The following ATAD5 variants were observed in gnomAD, a reference collection of about 807,000 sequenced individuals.
The protein encoded by ATAD5 is ATPase family AAA domain containing 5.
ATAD5 carries 58 observed loss-of-function variants against 176.9 expected under a neutral mutation model. The ratio of observed to expected loss-of-function variants is 0.33; its 90% CI spans 0.27 to 0.41. The LOEUF (loss-of-function observed/expected upper bound fraction) is 0.41, where lower values mean the gene tolerates loss of function less well. Among genes scored for constraint, ATAD5 ranks in the 10% least tolerant of loss-of-function variants. The pLI is 1.00. For synonymous variants in ATAD5, 640 were observed against 712.6 expected, an observed-to-expected ratio of 0.90 and a Z score of 1.62; for missense variants, 1,789 against 2,094.1, an observed-to-expected ratio of 0.85 and a Z score of 2.84.
In ATAD5 at chr17:30,847,327, T is replaced by TATATAG. The variant is rs918823567; in HGVS notation, c.2450+2412_2450+2413insTATAGA. On this transcript the variant is annotated intron_variant, in intron 6 of 22. Coordinates refer to ENST00000321990, the MANE Select transcript of ATAD5 (RefSeq NM_024857.5). ...ATATGAATATGCCGCTATATATATATAGAGAGAGAGAGAGAGAGAGAGAGA... is the reference window on the plus strand; with the variant it reads ...ATATGAATATGCCGCTATATATATATATATAGAGAGAGAGAGAGAGAGAGAGAGAGA... Among the ~76,000 whole-genome samples, 129 of 150,564 alleles carry TATATAG rather than the reference T, an allele frequency of 8.6e-4. 2 individuals are homozygous for TATATAG. Among genetic ancestry groups the TATATAG allele is most frequent in the Middle Eastern group, 3.4e-3 (1 of 292 alleles).
At chr17:30,867,736 C>T (rs1433847143) in intron 11 of ATAD5, among the ~76,000 whole-genome samples, 1 of 152,092 alleles carries the variant, frequency 6.6e-6, no homozygotes, top group African/African-American at 2.4e-5. Context: ...CTGAGCCTCC[C>T]AAGTCGCTGG....
At chr17:30,867,244 A>T (rs776640124) in intron 11 of ATAD5, among the ~76,000 whole-genome samples, 172 of 151,926 alleles carry the variant, frequency 1.1e-3, no homozygotes, top group Non-Finnish European at 1.9e-3. Flanking sequence ...TACAAAAAAT[A>T]AAAAAAATAG....
chr17:30,882,136 A>G (rs757916425), intron 18 of ATAD5, among the ~76,000 whole-genome samples: 10 of 151,040 alleles, frequency 6.6e-5, no homozygotes, highest in Non-Finnish European at 1.2e-4. Flanking sequence ...CATGCCTGTA[A>G]TCCCAGCTAC....
chr17:30,857,047 G>C lies in ATAD5; in HGVS notation c.2728G>C (p.Gly910Arg). The change falls in exon 8 of 23, where the codon GGT becomes CGT. Residue 910 changes from glycine to arginine, a missense_variant. Around this residue, in one of 6 missense-constraint regions of ATAD5, gnomAD observed 487 missense variants for 573.6 expected, o/e 0.85. Transcript: ENST00000321990. ...TAAAGTAATAGATCTCTCAAAATGT[G>C]GTATTGCTCTTGGTGAATTTTCAAC... is the stretch of plus-strand genomic sequence containing the variant. ...NTKVIDLSKCGIALGEFSTLN... is the reference protein window; with the variant it reads ...NTKVIDLSKCRIALGEFSTLN... The C allele has an allele frequency of 6.2e-7, 1 of 1,610,540 alleles. No individual in the cohort carries two copies.
At chr17:30,848,279 T>C (rs1210858400) in intron 6 of ATAD5, among the ~76,000 whole-genome samples, 1 of 152,090 alleles carries the variant, frequency 6.6e-6, no homozygotes, top group African/African-American at 2.4e-5. Flanking sequence ...AGTCTCACTC[T>C]GTCATCCCCA....
intron 10 of ATAD5, 38 bp downstream of exon 10, chr17:30,860,650 TTTGA>T: frequency 6.8e-7 from 1 of 1,473,910 alleles, no homozygotes; most frequent in Non-Finnish European, 9.0e-7. Context: ...AATAGATTGC[TTTGA>T]GGACATGCAA....
In ATAD5 at chr17:30,856,668, C is replaced by T. The variant is rs1329204900; in HGVS notation, c.2636-287C>T. Among the ~76,000 whole-genome samples the T allele has an allele frequency of 2.6e-5, 4 of 152,174 alleles. 1 individual carries two copies. The highest frequency in any genetic ancestry group is 3.8e-4 in the East Asian group (2 of 5,200). On this transcript the variant is annotated intron_variant, in intron 7 of 22. Coordinates refer to ENST00000321990, the MANE Select transcript of ATAD5 (RefSeq NM_024857.5). ...CTGGAATTACAGGCGTGAGCCACCA[C>T]GCCTGGCCCTCCTAAAAGTTTTAAC...
At chr17:30,836,810 T>C (rs1357319512) in intron 2 of ATAD5, among the ~76,000 whole-genome samples, 1 of 151,848 alleles carries the variant, frequency 6.6e-6, no homozygotes, top group East Asian at 1.9e-4. Flanking sequence ...TCAAGTGATC[T>C]GCCTGCCTCG....
chr17:30,878,718 GTTTTTTTTTTTTTTTTTT>G (rs71142005), intron 17 of ATAD5, among the ~76,000 whole-genome samples: 2 of 56,838 alleles, frequency 3.5e-5, no homozygotes, highest in African/African-American at 6.6e-5. Flanking sequence ...GTTAGGTGGT[GTTTTTTTTTTTTTTTTTT>G]TTTTTTTTTT....
In ATAD5 at chr17:30,893,742, C is replaced by T; in HGVS notation, c.4889C>T (p.Pro1630Leu). The T allele has an allele frequency of 1.2e-6, 2 of 1,614,032 alleles. No individual in the cohort carries two copies. The highest frequency in any genetic ancestry group is 2.2e-5 in the East Asian group (1 of 44,868). ...ACAAAGAAATCTATTCCTTGTCCTC[C>T]TAAAACAACTGCAGGAAAAAAATGT... ...PETKKSIPCP[P>L]KTTAGKKCSA... is the part of the protein sequence containing the mutation. The change falls in exon 21 of 23, where the codon CCT (proline) becomes CTT (leucine). Residue 1630 changes from proline (P) to leucine (L), a missense_variant. This residue lies in a region of ATAD5 where 403 missense variants were observed against 495.1 expected (regional missense o/e 0.81). Transcript: ENST00000321990.
intron 19 of ATAD5, 49 bp from the exon 20 acceptor site, chr17:30,892,558 C>G (rs201386933): frequency 7.7e-7 from 1 of 1,295,920 alleles, no homozygotes; most frequent in East Asian, 2.6e-5. Context: ...TTGTTTGATA[C>G]AATTTGTTTA....
At chr17:30,854,340 AT>A (rs1350732670) in intron 6 of ATAD5, among the ~76,000 whole-genome samples, 1 of 144,126 alleles carries the variant, frequency 6.9e-6, no homozygotes, top group African/African-American at 2.5e-5. Flanking sequence ...TATTGAATTT[AT>A]TTAATACATT....
intron 14 of ATAD5, 36 bp downstream of exon 14, chr17:30,869,682 G>GA (rs1243990064): frequency 3.2e-6 from 5 of 1,543,384 alleles, no homozygotes; most frequent in African/African-American, 1.4e-5. Context: ...ATAATGTTTT[G>GA]AAAAAAATAA....
At chr17:30,892,481 A>C in intron 19 of ATAD5, 126 bp from the exon 20 acceptor site, 1 of 497,796 alleles carries the variant, frequency 2.0e-6, no homozygotes, top group Non-Finnish European at 3.3e-6. Flanking sequence ...TGAATTAAAC[A>C]CATATGTAGA....
chr17:30,859,507 C>T (rs1907486757), intron 9 of ATAD5, among the ~76,000 whole-genome samples: 1 of 152,038 alleles, frequency 6.6e-6, no homozygotes, highest in Non-Finnish European at 1.5e-5. Context: ...TTGCAGGCAC[C>T]TGCCACCATG....
chr17:30,877,484 G>A lies in ATAD5; in HGVS notation c.3853G>A (p.Val1285Ile). 6.2e-7 allele frequency: 1 copy of A among 1,606,754 alleles called. No individual in the cohort carries two copies. Among genetic ancestry groups the A allele is most frequent in the Middle Eastern group, 1.7e-4 (1 of 6,046 alleles). Residue 1285 changes from valine to isoleucine, a missense_variant, in exon 16 of 23, where the codon GTC becomes ATC. Physicochemically the swap from Val to Ile is conservative, Grantham distance 29. Transcript: ENST00000321990. ...ATCTACAAATGCAACTAATTCAAATGTCAAAGACGTTGGAGCTGAAGAACC... is the reference window on the plus strand; with the variant it reads ...ATCTACAAATGCAACTAATTCAAATATCAAAGACGTTGGAGCTGAAGAACC... The part of the protein sequence containing the change: ...TKSTNATNSN[V>I]KDVGAEEPSR...
chr17:30,834,317 G>A lies in ATAD5; in HGVS notation c.236G>A (p.Gly79Glu). The change falls in exon 2 of 23, where the codon GGG becomes GAG. Residue 79 changes from glycine to glutamate, a missense_variant. Around this residue, in one of 6 missense-constraint regions of ATAD5, gnomAD observed 696 missense variants for 712.5 expected, o/e 0.98. Transcript: ENST00000321990. The part of the protein sequence containing the change: ...TSPTNEKTQL[G>E]KECKIKSPES... ...CCCACAAATGAGAAGACACAATTAG[G>A]GAAAGAGTGCAAGATAAAGTCACCT... 6.2e-7 allele frequency: 1 copy of A among 1,613,132 alleles called. No homozygotes were observed. The highest frequency in any genetic ancestry group is 8.5e-7 in the Non-Finnish European group (1 of 1,179,760).
At chr17:30,854,564 G>A (rs539853931) in intron 6 of ATAD5, among the ~76,000 whole-genome samples, 103 of 150,822 alleles carry the variant, frequency 6.8e-4, no homozygotes, top group African/African-American at 2.4e-3. Context: ...TAGAGATGGC[G>A]TTTCGTCATG....
chr17:30,845,536 T>G (rs1285443766), intron 6 of ATAD5, among the ~76,000 whole-genome samples: 1 of 152,034 alleles, frequency 6.6e-6, no homozygotes, highest in East Asian at 1.9e-4. Context: ...CAAAAACTGA[T>G]AGAATGCTAG....
Sources: gnomAD v4.1 joint callset for allele counts (sites outside exome capture counted in the v4.1 genomes callset) on GRCh38, gnomAD v4.1.1 for gene constraint, gnomAD v4.1.1 regional missense constraint, MANE v1.5 for transcripts, NCBI Gene and HGNC (gene_info 2026-07-23, HGNC 2026-07-21) for gene names.